The following GFM1 variants were observed in gnomAD, a reference collection of about 807,000 sequenced individuals.
The protein encoded by GFM1 is elongation factor G, mitochondrial.
In GFM1, 62 loss-of-function variants were observed where a neutral mutation model predicts 96.2. The ratio of observed to expected loss-of-function variants is 0.64; its 90% CI spans 0.53 to 0.80. The LOEUF is 0.80. GFM1 is among the 30% of genes least tolerant of loss of function. The pLI is 0.00. For synonymous variants in GFM1, 282 were observed against 312.9 expected, an observed-to-expected ratio of 0.90 and a Z score of 1.04; for missense variants, 852 against 916.6, an observed-to-expected ratio of 0.93 and a Z score of 0.91.
Position 158,652,153 on chromosome 3 carries a change from C to G in GFM1, c.747C>G (p.His249Gln), listed in dbSNP as rs754969878. The G allele has an allele frequency of 3.1e-6, 5 of 1,613,682 alleles. No individual in the cohort carries two copies. In the African/African-American group the frequency reaches 5.3e-5, roughly 17 times the overall value. The change falls in exon 6 of 18, where the codon CAC becomes CAG. Residue 249 changes from histidine (H) to glutamine (Q), a missense_variant. Transcript: ENST00000486715. ...AATTAAGGGCGGCGGCCACTGACCA[C>G]CGGCAGGAGCTAATTGAATGTGTTG... The part of the protein sequence containing the change: ...PAELRAAATD[H>Q]RQELIECVAN...
intron 8 of GFM1, among the ~76,000 whole-genome samples, chr3:158,658,614 A>C (rs537557312): frequency 6.6e-6 from 1 of 152,296 alleles, no homozygotes; most frequent in African/African-American, 2.4e-5. Flanking sequence ...AAACTTATGA[A>C]ATGTTAGAAG....
At chr3:158,652,544 G>T (rs1009044294) in intron 6 of GFM1, among the ~76,000 whole-genome samples, 1 of 152,046 alleles carries the variant, frequency 6.6e-6, no homozygotes, top group African/African-American at 2.4e-5. Flanking sequence ...TCATTTGTTG[G>T]TTGTGGCCAC....
Position 158,654,634 on chromosome 3 carries a change from A to G in GFM1, c.1083+3A>G, listed in dbSNP as rs187690169. 529 of 1,591,628 alleles carry G rather than the reference A, an allele frequency of 3.3e-4. No individual in the cohort carries two copies. Among genetic ancestry groups the G allele is most frequent in the Middle Eastern group, 1.3e-3 (8 of 6,018 alleles). On this transcript the variant is annotated splice_donor_region_variant and intron_variant, in intron 8 of 17. Transcript: ENST00000486715. ...TAGGCCTGGCTTTTAAACTGGAGGT[A>G]AGTTGCTTTCTAATGTATTTAACTG...
intron 4 of GFM1, among the ~76,000 whole-genome samples, chr3:158,647,784 T>A (rs1319100959): frequency 6.6e-6 from 1 of 152,236 alleles, no homozygotes; most frequent in Non-Finnish European, 1.5e-5. Flanking sequence ...TCCCCAAATC[T>A]TCTTCTGAAT....
In GFM1 at chr3:158,693,755, C is replaced by G. The variant is rs1726451532; in HGVS notation, c.*2288C>G. 6.6e-6 allele frequency: 1 copy of G among 152,150 alleles called. No homozygotes were observed. The allele number at this position is 152,150 out of a possible 1,614,324, so 9.4% of individuals were successfully genotyped here. ...AGGTAGTATTGTACTGATTCCCAAC[C>G]CTCACTGTACTTTAAAAATCACTGG... On this transcript the variant is annotated 3_prime_UTR_variant, in exon 18 of 18. Transcript: ENST00000486715.
Position 158,666,336 on chromosome 3 carries a change from CACA to C in GFM1, c.1552_1554del (p.Thr518del). 1 of 1,613,450 alleles carries C rather than the reference CACA, an allele frequency of 6.2e-7. No homozygotes were observed. Among genetic ancestry groups the C allele is most frequent in the Non-Finnish European group, 8.5e-7 (1 of 1,179,586 alleles). On this transcript the variant is annotated inframe_deletion, in exon 13 of 18. Coordinates refer to ENST00000486715, the MANE Select transcript of GFM1 (RefSeq NM_024996.7). ...AAAGAGAGTATGGCTGTCCTTGTAT[CACA>C]GGAAAGCCAAAAGTTGCCTTTCGAG... is the stretch of plus-strand genomic sequence containing the variant.
chr3:158,684,470 T>C (rs1725663830), intron 14 of GFM1, 54 bp from the exon 15 acceptor site: 9 of 1,586,628 alleles, frequency 5.7e-6, no homozygotes, highest in South Asian at 2.2e-5. Context: ...TTCTTGATAA[T>C]GTATCTGCAA....
intron 7 of GFM1, 77 bp downstream of exon 7, chr3:158,653,544 G>C: frequency 9.2e-7 from 1 of 1,091,344 alleles, no homozygotes; most frequent in Non-Finnish European, 1.4e-6. Context: ...TTTAAGGATA[G>C]TTCTTTTAAT....
At chr3:158,663,890 A>C (rs550045069) in intron 11 of GFM1, among the ~76,000 whole-genome samples, 1 of 152,196 alleles carries the variant, frequency 6.6e-6, no homozygotes, top group Non-Finnish European at 1.5e-5. Context: ...TAAATCGAAT[A>C]ATGAAGTCTC....
At chr3:158,672,651 G>A in intron 13 of GFM1, 1 of 702,160 alleles carries the variant, frequency 1.4e-6, no homozygotes, top group South Asian at 1.8e-5. Flanking sequence ...TGCTGTTTGG[G>A]CCCAGGCTCC....
intron 13 of GFM1, among the ~76,000 whole-genome samples, chr3:158,681,331 G>T (rs541284326): frequency 2.0e-5 from 3 of 152,168 alleles, no homozygotes; most frequent in Admixed American, 2.0e-4. Context: ...ACAGTAGCCT[G>T]TGTTTACATA....
rs776884839 is a variant in GFM1 at position 158,646,872 on chromosome 3, A to G, written c.497A>G (p.Asn166Ser). 1.9e-6 allele frequency: 3 copies of G among 1,614,074 alleles called. No homozygotes were observed. In the East Asian group the frequency reaches 6.7e-5, roughly 36 times the overall value. ...MTVNRQMKRY[N>S]VPFLTFINKL... ...GTCAATCGTCAGATGAAGCGCTACAACGTTCCGTTTCTAACTTTTATTAAC... is the reference window on the plus strand; with the variant it reads ...GTCAATCGTCAGATGAAGCGCTACAGCGTTCCGTTTCTAACTTTTATTAAC... The change falls in exon 4 of 18, where the codon AAC becomes AGC. Residue 166 changes from asparagine (N) to serine (S), a missense_variant. Coordinates refer to ENST00000486715, the MANE Select transcript of GFM1 (RefSeq NM_024996.7).
At position 158,646,292 on chromosome 3, in the gene GFM1, C is replaced by G; in HGVS notation, c.362C>G (p.Thr121Ser). The change falls in exon 3 of 18, where the codon ACT (threonine) becomes AGT (serine). Residue 121 changes from threonine (T) to serine (S), a missense_variant. Thr to Ser is a moderately conservative substitution (Grantham distance 58). Coordinates refer to ENST00000486715, the MANE Select transcript of GFM1 (RefSeq NM_024996.7). ...GATGTCAATATTAACATTATAGATA[C>G]TCCTGGTGAGTTGGATTCTTGGTTT... ...WKDVNINIID[T>S]PGHVDFTIEV... 2 of 1,614,096 alleles carry G rather than the reference C, an allele frequency of 1.2e-6. No homozygotes were observed.
At chr3:158,680,201 T>G (rs1274450942) in intron 13 of GFM1, among the ~76,000 whole-genome samples, 1 of 152,184 alleles carries the variant, frequency 6.6e-6, no homozygotes, top group African/African-American at 2.4e-5. Flanking sequence ...TTTTGTTATA[T>G]GGATATATTG....
chr3:158,652,232 A>G lies in GFM1; in HGVS notation c.826A>G (p.Ile276Val), dbSNP rs1434959553. Residue 276 changes from isoleucine to valine, a missense_variant, in exon 6 of 18, where the codon ATT (isoleucine) becomes GTT (valine). Physicochemically the swap from Ile to Val is conservative, Grantham distance 29. Transcript: ENST00000486715. ...EMFLEEKIPSISDLKLAIRRA... is the reference protein window; with the variant it reads ...EMFLEEKIPSVSDLKLAIRRA... ...GTTTCTGGAAGAAAAAATCCCCTCG[A>G]TTTCTGATTTAAAGGCAAGTGCTTT... 1.9e-6 allele frequency: 3 copies of G among 1,614,016 alleles called. No homozygotes were observed. The African/African-American group carries it at 4.0e-5, about 22-fold the overall frequency.
chr3:158,660,248 CTTT>C (rs111424383), intron 9 of GFM1: 4 of 135,428 alleles, frequency 3.0e-5, no homozygotes, highest in Non-Finnish European at 6.3e-5. Context: ...TAGTACATGC[CTTT>C]TTTTTTTTTT....
intron 13 of GFM1, among the ~76,000 whole-genome samples, chr3:158,670,557 T>G (rs1021438110): frequency 2.0e-5 from 3 of 152,222 alleles, no homozygotes; most frequent in Admixed American, 2.0e-4. Flanking sequence ...AGTAAAGAAC[T>G]GATCCTTGTA....
intron 13 of GFM1, among the ~76,000 whole-genome samples, chr3:158,678,672 T>G (rs1463141087): frequency 6.9e-6 from 1 of 145,916 alleles, no homozygotes; most frequent in Non-Finnish European, 1.5e-5. Context: ...GATCTACTCC[T>G]GTTGAAAACG....
intron 13 of GFM1, among the ~76,000 whole-genome samples, chr3:158,667,950 A>T (rs1337844010): frequency 1.3e-5 from 2 of 152,222 alleles, no homozygotes; most frequent in African/African-American, 4.8e-5. Flanking sequence ...TGAACACAAA[A>T]CTTAGATTGC....
Sources: gnomAD v4.1 joint callset for allele counts (sites outside exome capture counted in the v4.1 genomes callset) on GRCh38, gnomAD v4.1.1 for gene constraint, MANE v1.5 for transcripts, NCBI Gene and HGNC (gene_info 2026-07-23, HGNC 2026-07-21) for gene names.